PCDH15: variants seen among roughly 807,000 people sequenced by gnomAD.
PCDH15 encodes the protein protocadherin related 15.
In PCDH15, 129 loss-of-function variants were observed where a neutral mutation model predicts 178.5. That is an observed-to-expected ratio of 0.72 (90% CI 0.63 to 0.84). The LOEUF (loss-of-function observed/expected upper bound fraction) is 0.84. PCDH15 is among the 40% of genes least tolerant of loss of function. The pLI is 0.00. For synonymous variants in PCDH15, 800 were observed against 732.0 expected, an observed-to-expected ratio of 1.09 and a Z score of -1.50; for missense variants, 2,230 against 2,099.9, an observed-to-expected ratio of 1.06 and a Z score of -1.21.
At chr10:54,786,088 T>A (rs1255662929) in intron 1 of PCDH15, among the ~76,000 whole-genome samples, 1 of 152,006 alleles carries the variant, frequency 6.6e-6, no homozygotes, top group Non-Finnish European at 1.5e-5. Context: ...GAAATTGTAC[T>A]GATTGGTGCA....
At chr10:55,576,399 T>C (rs571420882) in intron 2 of PCDH15, among the ~76,000 whole-genome samples, 59 of 152,288 alleles carry the variant, frequency 3.9e-4, no homozygotes, top group Non-Finnish European at 7.2e-4. Flanking sequence ...TTCTGTTTCA[T>C]GGGTGGCAGA....
chr10:53,828,723 GGA>G, intron 30 of PCDH15, 150 bp from the exon 31 acceptor site: 1 of 677,036 alleles, frequency 1.5e-6, no homozygotes, highest in East Asian at 2.8e-5. Flanking sequence ...AGAAAACTAA[GGA>G]TATCAATTCA....
intron 25 of PCDH15, among the ~76,000 whole-genome samples, chr10:53,914,505 A>C (rs2083387212): frequency 6.6e-6 from 1 of 152,186 alleles, no homozygotes; most frequent in Non-Finnish European, 1.5e-5. Flanking sequence ...TTAGCAAACT[A>C]TTGCAGGGAC....
chr10:54,557,965 T>C (rs970450925), intron 2 of PCDH15, among the ~76,000 whole-genome samples: 7 of 152,096 alleles, frequency 4.6e-5, no homozygotes, highest in Non-Finnish European at 8.8e-5. Context: ...CAGGTTTTCA[T>C]AATCAAAAAT....
At chr10:53,976,668 A>G (rs1395715050) in intron 21 of PCDH15, among the ~76,000 whole-genome samples, 1 of 151,198 alleles carries the variant, frequency 6.6e-6, no homozygotes, top group Non-Finnish European at 1.5e-5. Context: ...GTCTCTGTCC[A>G]TCATCTGTAA....
At chr10:55,125,559 G>C (rs1334251395) in intron 2 of PCDH15, among the ~76,000 whole-genome samples, 1 of 151,958 alleles carries the variant, frequency 6.6e-6, no homozygotes, top group African/African-American at 2.4e-5. Context: ...AATGTATCCG[G>C]AGAAACAAAC....
At chr10:54,340,422 G>A (rs1942012842) in intron 6 of PCDH15, among the ~76,000 whole-genome samples, 1 of 152,112 alleles carries the variant, frequency 6.6e-6, no homozygotes, top group Admixed American at 6.5e-5. Flanking sequence ...TACACCTCTA[G>A]TATGAATCAA....
chr10:54,381,791 G>A (rs1324996003), intron 3 of PCDH15, among the ~76,000 whole-genome samples: 1 of 152,000 alleles, frequency 6.6e-6, no homozygotes, highest in African/African-American at 2.4e-5. Context: ...AAAAATGGTG[G>A]CAGTTCAGAA....
In PCDH15 at chr10:54,027,723, A is replaced by C. The variant is rs1276174888; in HGVS notation, c.2221-4526T>G. ...CCCTATTTAATAAATGGTGCTGGGA[A>C]AACTGGCTAGCCATATGGAGAAAGC... is the stretch of plus-strand genomic sequence containing the variant. On this transcript the variant is annotated intron_variant, in intron 18 of 37. Transcript: ENST00000644397. 1.1e-4 allele frequency among the ~76,000 whole-genome samples: 17 copies of C among 147,832 alleles called. No homozygotes were observed. In the East Asian group the frequency reaches 3.2e-3, roughly 28 times the overall value.
chr10:54,491,107 T>C (rs748056976), intron 3 of PCDH15, among the ~76,000 whole-genome samples: 5 of 152,070 alleles, frequency 3.3e-5, no homozygotes, highest in Admixed American at 6.6e-5. Context: ...AAGGTAAGTA[T>C]AGCAAATTAA....
At chr10:53,835,085 G>A (rs1219594933) in intron 29 of PCDH15, among the ~76,000 whole-genome samples, 1 of 152,136 alleles carries the variant, frequency 6.6e-6, no homozygotes, top group Non-Finnish European at 1.5e-5. Flanking sequence ...TTTCATAACT[G>A]TTTAACTAGA....
At chr10:55,216,739 T>G (rs1840713912) in intron 1 of PCDH15, among the ~76,000 whole-genome samples, 1 of 151,920 alleles carries the variant, frequency 6.6e-6, no homozygotes, top group South Asian at 2.1e-4. Context: ...AATCTTGCAC[T>G]CAAAAAATTT....
chr10:55,477,415 C>T (rs1245341227), intron 2 of PCDH15, among the ~76,000 whole-genome samples: 1 of 151,960 alleles, frequency 6.6e-6, no homozygotes, highest in Non-Finnish European at 1.5e-5. Context: ...ATTTGTGAAT[C>T]AGAAGTCAAA....
In PCDH15 at chr10:54,806,997, C is replaced by A. The variant is rs564862059; in HGVS notation, c.-29+90453G>T. On this transcript the variant is annotated intron_variant, in intron 3 of 5. Transcript: ENST00000458638. ...AATCGCAGGACTGATATCCTATCACCTTTGCCTTAGTCTATTGGTTATAAG... is the reference window on the plus strand; with the variant it reads ...AATCGCAGGACTGATATCCTATCACATTTGCCTTAGTCTATTGGTTATAAG... Among the ~76,000 whole-genome samples, 3 of 152,302 alleles carry A rather than the reference C, an allele frequency of 2.0e-5. No homozygotes were observed. In the South Asian group the frequency reaches 6.2e-4, roughly 32 times the overall value.
At chr10:54,563,992 C>T (rs1270702107) in intron 2 of PCDH15, among the ~76,000 whole-genome samples, 1 of 152,108 alleles carries the variant, frequency 6.6e-6, no homozygotes, top group Non-Finnish European at 1.5e-5. Flanking sequence ...GTGAGCCTAG[C>T]TGACTTGTTC....
At chr10:54,909,932 G>T (rs1954790726) in intron 2 of PCDH15, among the ~76,000 whole-genome samples, 2 of 152,116 alleles carry the variant, frequency 1.3e-5, no homozygotes, top group South Asian at 4.1e-4. Context: ...TCAGGGGAAG[G>T]CTCTGGGGAC....
intron 2 of PCDH15, among the ~76,000 whole-genome samples, chr10:55,586,666 T>G (rs530144743): frequency 6.6e-6 from 1 of 152,272 alleles, no homozygotes; most frequent in South Asian, 2.1e-4. Context: ...TTACTCTCAT[T>G]TATGCAGCTA....
intron 9 of PCDH15, among the ~76,000 whole-genome samples, chr10:54,230,813 T>TAAA (rs2053978907): frequency 6.6e-6 from 1 of 152,190 alleles, no homozygotes; most frequent in African/African-American, 2.4e-5. Context: ...TTTTAGTATG[T>TAAA]AACATATATC....
chr10:54,746,893 A>G (rs1040204760), intron 1 of PCDH15, among the ~76,000 whole-genome samples: 1 of 152,238 alleles, frequency 6.6e-6, no homozygotes, highest in Non-Finnish European at 1.5e-5. Context: ...ATGAGAGTAC[A>G]GATGGTCCCC....
Sources: allele counts gnomAD v4.1 joint callset (sites outside exome capture counted in the v4.1 genomes callset), GRCh38; gene constraint gnomAD v4.1.1; transcripts MANE v1.5; gene names NCBI Gene and HGNC (gene_info 2026-07-23, HGNC 2026-07-21).